Variants in ARHGAP39 observed in about 807,000 individuals in gnomAD.
The protein encoded by ARHGAP39 is rho GTPase-activating protein 39.
In ARHGAP39, 44 loss-of-function variants were observed where a neutral mutation model predicts 106.9. That is an observed-to-expected ratio of 0.41 (90% CI 0.32 to 0.53). The LOEUF is 0.53. Among genes scored for constraint, ARHGAP39 ranks in the 20% least tolerant of loss-of-function variants. The pLI, the probability that ARHGAP39 is intolerant of heterozygous loss-of-function variation, is 0.21. For missense variants in ARHGAP39, 1,496 were observed against 1,577.3 expected (o/e 0.95, Z 0.87); for synonymous variants, 768 against 693.2 (o/e 1.11, Z -1.69).
chr8:144,548,117 G>T lies in ARHGAP39; in HGVS notation c.969C>A (p.Pro323=), dbSNP rs776322635. 2 of 1,583,444 alleles carry T rather than the reference G, an allele frequency of 1.3e-6. No homozygotes were observed. The highest frequency in any genetic ancestry group is 8.6e-7 in the Non-Finnish European group (1 of 1,164,816). The change falls in exon 5 of 12, where the codon CCC becomes CCA. Residue 323 remains proline (P), a synonymous_variant. Coordinates refer to ENST00000377307, the MANE Select transcript of ARHGAP39 (RefSeq NM_025251.3). The surrounding 1 kb of genome is among the most constrained non-coding windows in gnomAD (Gnocchi z 7.4). ...CGTCCATGGGGGGCTCATCGTAGAT[G>T]GGGGCCTGGTACTCCACTGGGGGCT... ...YEEPPVEYQA[P]IYDEPPMDVQ...
At chr8:144,627,889 C>T (rs1563715079) in intron 1 of ARHGAP39, among the ~76,000 whole-genome samples, 3 of 152,206 alleles carry the variant, frequency 2.0e-5, no homozygotes, top group Admixed American at 1.3e-4. Context: ...CCAGGCACTC[C>T]GACTGCTGGC....
chr8:144,593,151 G>A (rs1378490678), intron 2 of ARHGAP39, among the ~76,000 whole-genome samples: 1 of 152,180 alleles, frequency 6.6e-6, no homozygotes, highest in Non-Finnish European at 1.5e-5. Context: ...CAACCTTCCT[G>A]CAGCCCCTGT....
chr8:144,593,795 G>GA (rs1000327224), intron 2 of ARHGAP39, among the ~76,000 whole-genome samples: 2 of 151,524 alleles, frequency 1.3e-5, no homozygotes, highest in African/African-American at 2.4e-5. Context: ...GTCTCGAAAA[G>GA]AAAAAAAAGA....
rs752652890 is a variant in ARHGAP39 at position 144,545,362 on chromosome 8, C to A, written c.2408G>T (p.Arg803Leu). 1.3e-6 allele frequency: 2 copies of A among 1,597,710 alleles called. No homozygotes were observed. The highest frequency in any genetic ancestry group is 1.3e-5 in the African/African-American group (1 of 74,460). ...GCAGATGGCCATGAGCTCCCAGCCG[C>A]GGGCCAGGCTCTCCAGGCGGAAGTT... is the stretch of plus-strand genomic sequence containing the variant. The part of the protein sequence containing the change: ...TENFRLESLA[R>L]GWELMAICLA... The change falls in exon 6 of 12, where the codon CGC (arginine) becomes CTC (leucine). Residue 803 changes from arginine (R) to leucine (L), a missense_variant. Coordinates refer to ENST00000377307, the MANE Select transcript of ARHGAP39 (RefSeq NM_025251.3).
At chr8:144,600,646 G>A (rs1819848453) in intron 2 of ARHGAP39, among the ~76,000 whole-genome samples, 1 of 150,242 alleles carries the variant, frequency 6.7e-6, no homozygotes, top group Admixed American at 6.6e-5. Flanking sequence ...ACCTGCGTGT[G>A]CATGGAGGTG....
intron 1 of ARHGAP39, among the ~76,000 whole-genome samples, chr8:144,619,123 T>C (rs922881691): frequency 2.0e-5 from 3 of 151,666 alleles, no homozygotes; most frequent in Non-Finnish European, 4.4e-5. Context: ...CCACCTCACA[T>C]TGCCGGAAAG....
chr8:144,647,117 C>A lies in ARHGAP39; in HGVS notation c.-82+38569G>T, dbSNP rs923109104. Among the ~76,000 whole-genome samples the A allele has an allele frequency of 2.6e-5, 4 of 151,912 alleles. No homozygotes were observed. Among genetic ancestry groups the A allele is most frequent in the African/African-American group, 9.7e-5 (4 of 41,328 alleles). On this transcript the variant is annotated intron_variant, in intron 1 of 11. Transcript: ENST00000377307. The surrounding 1 kb of genome is among the most constrained non-coding windows in gnomAD (Gnocchi z 4.8). ...CCGAGTAGCTGGGACTACAGCCACC[C>A]GCCACCATGCCCGGCTAATTTTTGT...
At chr8:144,638,834 A>G (rs1821239884) in intron 1 of ARHGAP39, among the ~76,000 whole-genome samples, 1 of 152,164 alleles carries the variant, frequency 6.6e-6, no homozygotes, top group Non-Finnish European at 1.5e-5. Context: ...TGCTCAGTAA[A>G]TGATCACTCA....
At chr8:144,611,003 G>A (rs867735507) in intron 1 of ARHGAP39, among the ~76,000 whole-genome samples, 2 of 152,064 alleles carry the variant, frequency 1.3e-5, no homozygotes, top group African/African-American at 4.8e-5. Flanking sequence ...ATTTTTAGTA[G>A]AGATGGGGTT....
At chr8:144,660,045 A>G (rs1021103676) in intron 1 of ARHGAP39, among the ~76,000 whole-genome samples, 2 of 151,320 alleles carry the variant, frequency 1.3e-5, no homozygotes, top group Non-Finnish European at 2.9e-5. Context: ...TCCCCAGATC[A>G]CTCTTCCCAA....
Position 144,679,465 on chromosome 8 carries a change from C to T in ARHGAP39, c.-82+6221G>A, listed in dbSNP as rs923418683. On this transcript the variant is annotated intron_variant, in intron 1 of 11. Coordinates refer to ENST00000377307, the MANE Select transcript of ARHGAP39 (RefSeq NM_025251.3). This position sits in a 1 kb window ranked among gnomAD's most constrained non-coding sequence, Gnocchi z 4.7. Reference sequence around the variant, plus strand: ...CTCTTGGAAAAGAGTCACAAGCAAACGAAACGCGGGCAGGAATCAGCCTCT... The same window carrying T: ...CTCTTGGAAAAGAGTCACAAGCAAATGAAACGCGGGCAGGAATCAGCCTCT... Among the ~76,000 whole-genome samples, 3 of 152,206 alleles carry T rather than the reference C, an allele frequency of 2.0e-5. No individual in the cohort carries two copies. Among genetic ancestry groups the T allele is most frequent in the South Asian group, 4.1e-4 (2 of 4,834 alleles).
At chr8:144,593,229 T>C (rs1819473266) in intron 2 of ARHGAP39, among the ~76,000 whole-genome samples, 1 of 152,000 alleles carries the variant, frequency 6.6e-6, no homozygotes, top group South Asian at 2.1e-4. Flanking sequence ...ATGTAATGAG[T>C]GCCACGTGCA....
chr8:144,650,794 A>G (rs1821554526), intron 1 of ARHGAP39, among the ~76,000 whole-genome samples: 1 of 152,178 alleles, frequency 6.6e-6, no homozygotes, highest in South Asian at 2.1e-4. Context: ...CCACAGCTAC[A>G]TCATACTGAA....
chr8:144,609,533 G>C (rs1351725637), intron 1 of ARHGAP39, among the ~76,000 whole-genome samples: 3 of 151,372 alleles, frequency 2.0e-5, no homozygotes, highest in African/African-American at 7.3e-5. Context: ...TCCCAAGTAG[G>C]TGGGATTATA....
intron 1 of ARHGAP39, among the ~76,000 whole-genome samples, chr8:144,685,063 C>T (rs1255925199): frequency 6.6e-6 from 1 of 152,154 alleles, no homozygotes; most frequent in South Asian, 2.1e-4. Context: ...GCTGGGCACA[C>T]GTGCACCCAC....
Position 144,530,454 on chromosome 8 carries a change from G to A in ARHGAP39, c.3313C>T (p.Leu1105=), listed in dbSNP as rs776318856. ...MSFLRVLIQH[L]DTSFMEGVL ...ACACCCTCCATGAAGCTGGTGTCCAGGTGCTGGATGAGCACCCGCAGGAAG... is the reference window on the plus strand; with the variant it reads ...ACACCCTCCATGAAGCTGGTGTCCAAGTGCTGGATGAGCACCCGCAGGAAG... Residue 1105 remains leucine (L), a synonymous_variant, in exon 12 of 12, where the codon CTG becomes TTG. Coordinates refer to ENST00000377307, the MANE Select transcript of ARHGAP39 (RefSeq NM_025251.3). 6.2e-6 allele frequency: 10 copies of A among 1,609,980 alleles called. No individual in the cohort carries two copies. The African/African-American group carries it at 1.3e-4, about 22-fold the overall frequency.
chr8:144,660,511 TTAAAG>T (rs541875234), intron 1 of ARHGAP39, among the ~76,000 whole-genome samples: 75 of 152,278 alleles, frequency 4.9e-4, no homozygotes, highest in Admixed American at 1.3e-3. Flanking sequence ...GTCACTATGC[TTAAAG>T]TAAAGTTGAG....
At chr8:144,579,073 G>A (rs1255144280) in intron 3 of ARHGAP39, among the ~76,000 whole-genome samples, 4 of 151,634 alleles carry the variant, frequency 2.6e-5, no homozygotes, top group Admixed American at 6.6e-5. Flanking sequence ...GTGGTGGCAG[G>A]TGCCTGTAGT....
chr8:144,543,556 T>G (rs1390544261), intron 6 of ARHGAP39, among the ~76,000 whole-genome samples: 1 of 152,222 alleles, frequency 6.6e-6, no homozygotes, highest in Non-Finnish European at 1.5e-5. Flanking sequence ...CCAGCCCCGC[T>G]GTCACTCCAA....
Sources: allele counts gnomAD v4.1 joint callset (sites outside exome capture counted in the v4.1 genomes callset), GRCh38; gene constraint gnomAD v4.1.1; non-coding constraint Gnocchi (gnomAD v3.1); transcripts MANE v1.5; gene names NCBI Gene and HGNC (gene_info 2026-07-23, HGNC 2026-07-21).